NPAS3: variants seen among roughly 807,000 people sequenced by gnomAD.
NPAS3 encodes the protein neuronal PAS domain-containing protein 3.
NPAS3 carries 14 observed loss-of-function variants against 73.1 expected under a neutral mutation model. The observed-to-expected ratio is 0.19, with a 90% CI of 0.13 to 0.30. The LOEUF is 0.30. Among genes scored for constraint, NPAS3 ranks in the 10% least tolerant of loss-of-function variants. The pLI, the probability that NPAS3 is intolerant of heterozygous loss-of-function variation, is 1.00. For synonymous variants in NPAS3, 620 were observed against 541.5 expected (o/e 1.14, Z -2.01); for missense variants, 1,096 against 1,250.0 (o/e 0.88, Z 1.86).
At chr14:33,700,921 T>C (rs925103934) in intron 6 of NPAS3, among the ~76,000 whole-genome samples, 2 of 152,212 alleles carry the variant, frequency 1.3e-5, no homozygotes, top group African/African-American at 4.8e-5. Context: ...CAAGTACAGA[T>C]AAAGCACCAT....
intron 2 of NPAS3, among the ~76,000 whole-genome samples, chr14:33,194,277 A>G (rs1276249259): frequency 2.0e-5 from 3 of 152,316 alleles, no homozygotes; most frequent in Non-Finnish European, 2.9e-5. Flanking sequence ...CCTATCAGGT[A>G]TAATAGCTCT....
chr14:33,398,014 T>G (rs1435893764), intron 4 of NPAS3, among the ~76,000 whole-genome samples: 2 of 152,156 alleles, frequency 1.3e-5, no homozygotes, highest in Non-Finnish European at 2.9e-5. Flanking sequence ...AGCCTCCAAT[T>G]ATCTTTTCAG....
At chr14:33,200,222 C>T (rs1045510308) in intron 2 of NPAS3, among the ~76,000 whole-genome samples, 1 of 150,628 alleles carries the variant, frequency 6.6e-6, no homozygotes, top group Non-Finnish European at 1.5e-5. Context: ...TTGCAAAAAC[C>T]GCAGTTACTT....
At chr14:33,572,775 T>C (rs1458018684) in intron 5 of NPAS3, among the ~76,000 whole-genome samples, 1 of 151,056 alleles carries the variant, frequency 6.6e-6, no homozygotes, top group South Asian at 2.1e-4. Flanking sequence ...CTGTAATCCC[T>C]GCACTTTGGG....
At chr14:33,405,090 A>G (rs2047606920) in intron 4 of NPAS3, among the ~76,000 whole-genome samples, 1 of 152,078 alleles carries the variant, frequency 6.6e-6, no homozygotes, top group Non-Finnish European at 1.5e-5. Flanking sequence ...CCTTGCTTCT[A>G]GTATGCTGTG....
At chr14:33,330,302 A>G (rs1361282218) in intron 3 of NPAS3, among the ~76,000 whole-genome samples, 2 of 152,042 alleles carry the variant, frequency 1.3e-5, no homozygotes, top group Non-Finnish European at 2.9e-5. Flanking sequence ...TGCTTACTCT[A>G]CCTCTTCCCC....
intron 2 of NPAS3, among the ~76,000 whole-genome samples, chr14:33,144,820 C>T (rs1302836272): frequency 6.6e-6 from 1 of 152,156 alleles, no homozygotes; most frequent in East Asian, 1.9e-4. Flanking sequence ...TCTTGAACTC[C>T]TGGCCTCAAA....
At chr14:33,001,652 G>A (rs1401972619) in intron 1 of NPAS3, among the ~76,000 whole-genome samples, 1 of 152,064 alleles carries the variant, frequency 6.6e-6, no homozygotes, top group Admixed American at 6.5e-5. Context: ...CCTTCAGGAT[G>A]CCTCTTCAGC....
At chr14:33,359,847 C>T (rs894523047) in intron 3 of NPAS3, among the ~76,000 whole-genome samples, 7 of 152,154 alleles carry the variant, frequency 4.6e-5, no homozygotes, top group South Asian at 2.1e-4. Context: ...GGGCTTAATT[C>T]GTGAGCGACA....
chr14:33,309,813 C>A (rs1479400543), intron 3 of NPAS3, among the ~76,000 whole-genome samples: 1 of 152,104 alleles, frequency 6.6e-6, no homozygotes, highest in Non-Finnish European at 1.5e-5. Context: ...TGTAAGTCTG[C>A]CTTCCCCTGG....
intron 2 of NPAS3, among the ~76,000 whole-genome samples, chr14:33,182,752 C>G (rs1445038887): frequency 1.3e-5 from 2 of 152,178 alleles, no homozygotes; most frequent in Admixed American, 6.5e-5. Flanking sequence ...CTCTTTCACA[C>G]CAGCATGTGG....
At chr14:33,629,820 G>C (rs2058329971) in intron 5 of NPAS3, among the ~76,000 whole-genome samples, 1 of 151,892 alleles carries the variant, frequency 6.6e-6, no homozygotes, top group Admixed American at 6.6e-5. Context: ...GGACTTGGTA[G>C]CTTGTGACTT....
chr14:33,755,052 T>C (rs957133659), intron 7 of NPAS3, among the ~76,000 whole-genome samples: 1 of 152,130 alleles, frequency 6.6e-6, no homozygotes, highest in Non-Finnish European at 1.5e-5. Flanking sequence ...CAGATGTAGG[T>C]TTTAGTCCTC....
At chr14:33,537,735 A>G (rs1279540045) in intron 4 of NPAS3, among the ~76,000 whole-genome samples, 1 of 152,168 alleles carries the variant, frequency 6.6e-6, no homozygotes, top group African/African-American at 2.4e-5. Context: ...GTGCTGGGAG[A>G]GTAGGGACCC....
intron 4 of NPAS3, among the ~76,000 whole-genome samples, chr14:33,491,429 T>G (rs1394168445): frequency 6.6e-6 from 1 of 152,058 alleles, no homozygotes; most frequent in African/African-American, 2.4e-5. Flanking sequence ...CCAGTGGAAA[T>G]TTGATGATGG....
intron 4 of NPAS3, among the ~76,000 whole-genome samples, chr14:33,516,341 A>T (rs968306564): frequency 6.6e-6 from 1 of 152,174 alleles, no homozygotes; most frequent in African/African-American, 2.4e-5. Flanking sequence ...TTTTAGATTT[A>T]AAAAGGGAGC....
chr14:33,784,721 TTTTATTTATTTA>T lies in NPAS3; in HGVS notation c.1153+6165_1153+6176del, dbSNP rs1555333477. ...AGCTGCTTTTATTTTTTATTGTTAT[TTTTATTTATTTA>T]TTTATTTATTTATTTTTTTTTTTTT... On this transcript the variant is annotated intron_variant, in intron 9 of 11. Transcript: ENST00000356141. 2.6e-3 allele frequency among the ~76,000 whole-genome samples: 266 copies of T among 103,850 alleles called. 3 individuals carry two copies. Among genetic ancestry groups the T allele is most frequent in the East Asian group, 8.4e-3 (29 of 3,432 alleles). The allele number at this position is 103,850 out of a possible 152,430, so 68.1% of individuals were successfully genotyped here.
chr14:33,215,030 T>C (rs1373257263), intron 2 of NPAS3, 152 bp from the exon 3 acceptor site: 1 of 762,954 alleles, frequency 1.3e-6, no homozygotes, highest in Non-Finnish European at 2.1e-6. Flanking sequence ...TTAGTGGACA[T>C]TTTCTGGAAC....
At chr14:32,988,978 T>C (rs1156355265) in intron 1 of NPAS3, among the ~76,000 whole-genome samples, 2 of 152,208 alleles carry the variant, frequency 1.3e-5, no homozygotes, top group Non-Finnish European at 2.9e-5. Flanking sequence ...ACAGATGAGC[T>C]AGACATGGTA....
Sources: gnomAD v4.1 joint callset for allele counts (sites outside exome capture counted in the v4.1 genomes callset) on GRCh38, gnomAD v4.1.1 for gene constraint, MANE v1.5 for transcripts, NCBI Gene and HGNC (gene_info 2026-07-23, HGNC 2026-07-21) for gene names.